Variants in UBR4 observed in about 807,000 individuals in gnomAD.
The protein encoded by UBR4 is ubiquitin protein ligase E3 component n-recognin 4.
A neutral mutation model predicts 575.6 loss-of-function variants in UBR4; 124 were observed. That is an observed-to-expected ratio of 0.22 (90% confidence interval 0.19 to 0.25). The LOEUF is 0.25. UBR4 is among the 10% of genes least tolerant of loss of function. UBR4 has a pLI of 1.00. For synonymous variants in UBR4, 2,455 were observed against 2,473.7 expected (o/e 0.99, Z 0.22); for missense variants, 4,818 against 6,478.8 (o/e 0.74, Z 8.80).
chr1:19,098,073 A>C (rs2078233861), intron 90 of UBR4, among the ~76,000 whole-genome samples: 1 of 152,228 alleles, frequency 6.6e-6, no homozygotes, highest in Non-Finnish European at 1.5e-5. Context: ...GATGAAATCC[A>C]GTGGGGGATT....
chr1:19,179,139 C>G lies in UBR4; in HGVS notation c.2266G>C (p.Val756Leu). 6.2e-7 allele frequency: 1 copy of G among 1,613,864 alleles called. No homozygotes were observed. The highest frequency in any genetic ancestry group is 8.5e-7 in the Non-Finnish European group (1 of 1,179,942). ...PLYIHPQSLS[V>L]LSRLLLIWQH... ...CAGATGAGCAGGAGGCGTGAAAGCA[C>G]AGAGAGGCTTTGAGGGTGAATGTAC... is the stretch of plus-strand genomic sequence containing the variant. The change falls in exon 18 of 106, where the codon GTG (valine) becomes CTG (leucine). Residue 756 changes from valine to leucine, a missense_variant. Physicochemically the swap from Val to Leu is conservative, Grantham distance 32. Coordinates refer to ENST00000375254, the MANE Select transcript of UBR4 (RefSeq NM_020765.3).
rs769079247 is a variant in UBR4, at chr1:19,198,006, G to A, written c.692C>T (p.Ser231Leu). The change falls in exon 6 of 106, where the codon TCA becomes TTA. Residue 231 changes from serine (S) to leucine (L), a missense_variant. Physicochemically the swap from Ser to Leu is moderately radical, Grantham distance 145. This residue lies in a region of UBR4 where 83 missense variants were observed against 77.3 expected (regional missense o/e 1.07). Coordinates refer to ENST00000375254, the MANE Select transcript of UBR4 (RefSeq NM_020765.3). ...GAACACATTCTTGGTTTTGATAGCT[G>A]AGGCTTGATCTGTAGATGACTGCTC... ...NDEQSSTDQA[S>L]AIKTKNVFIA... 3 of 1,614,136 alleles carry A rather than the reference G, an allele frequency of 1.9e-6. No individual in the cohort carries two copies. The highest frequency in any genetic ancestry group is 2.5e-6 in the Non-Finnish European group (3 of 1,180,044).
chr1:19,087,225 G>C (rs1217685101), intron 99 of UBR4, among the ~76,000 whole-genome samples: 4 of 152,250 alleles, frequency 2.6e-5, no homozygotes, highest in African/African-American at 9.6e-5. Context: ...CGAGCCCTGT[G>C]GCCCAGGCAC....
At chr1:19,163,702 GA>G in intron 34 of UBR4, 61 bp downstream of exon 34, 1 of 1,559,210 alleles carries the variant, frequency 6.4e-7, no homozygotes, top group Non-Finnish European at 8.8e-7. Context: ...ACTTCCACCT[GA>G]CCACAGAGGT....
At chr1:19,171,227 C>T (rs113191400) in intron 25 of UBR4, among the ~76,000 whole-genome samples, 1 of 150,398 alleles carries the variant, frequency 6.6e-6, no homozygotes, top group South Asian at 2.1e-4. Context: ...ACAAAAAAAA[C>T]TGTTTATCCA....
At chr1:19,075,267 G>A (rs1359903755) in intron 105 of UBR4, 6 of 297,596 alleles carry the variant, frequency 2.0e-5, no homozygotes, top group Admixed American at 1.9e-4. Context: ...CTCCCTGGCT[G>A]CAGGCCAGGG....
rs1482680435 is a variant in UBR4, at chr1:19,104,669, A to G, written c.12646-3T>C. 1.9e-6 allele frequency: 3 copies of G among 1,613,942 alleles called. No homozygotes were observed. The highest frequency in any genetic ancestry group is 2.5e-6 in the Non-Finnish European group (3 of 1,179,940). On this transcript the variant is annotated splice_region_variant and splice_polypyrimidine_tract_variant and intron_variant, in intron 85 of 105. Coordinates refer to ENST00000375254, the MANE Select transcript of UBR4 (RefSeq NM_020765.3). ...AGGGCCAGCAGACGAGCTATTTCCT[A>G]AACAGGATGACAAGTGCAGTCAGTG...
intron 60 of UBR4, among the ~76,000 whole-genome samples, chr1:19,130,553 C>T (rs1436453419): frequency 2.0e-5 from 3 of 152,112 alleles, no homozygotes; most frequent in African/African-American, 2.4e-5. Flanking sequence ...CGGGGTCTTA[C>T]GTGAATTATA....
rs2078470868 is a variant in UBR4 at position 19,100,083 on chromosome 1, A to G, written c.13221+293T>C. 6.4e-6 allele frequency: 3 copies of G among 472,298 alleles called. No individual in the cohort carries two copies. Among genetic ancestry groups the G allele is most frequent in the African/African-American group, 3.9e-5 (2 of 51,312 alleles). 29.3% of individuals were successfully genotyped at this position (472,298 alleles called of 1,614,324 possible). A position where few individuals can be genotyped will look rare whatever the true frequency, so the allele number is the denominator to read the frequency against. ...CTCAGGTAACTCAGACTCACCGAGA[A>G]GTCTCTGCCAGAGGCAATAACGATA... On this transcript the variant is annotated intron_variant, in intron 89 of 105. Coordinates refer to ENST00000375254, the MANE Select transcript of UBR4 (RefSeq NM_020765.3). This position sits in a 1 kb window ranked among gnomAD's most constrained non-coding sequence, Gnocchi z 4.2.
At chr1:19,095,355 TG>T (rs1308430023) in intron 93 of UBR4, among the ~76,000 whole-genome samples, 189 bp downstream of exon 93, 1 of 152,094 alleles carries the variant, frequency 6.6e-6, no homozygotes, top group East Asian at 1.9e-4. Context: ...GGCAGCAGCA[TG>T]GGGGCAGGAG....
At chr1:19,077,855 A>AT in intron 104 of UBR4, 121 bp downstream of exon 104, 1 of 1,567,270 alleles carries the variant, frequency 6.4e-7, no homozygotes, top group Non-Finnish European at 8.7e-7. Flanking sequence ...TTTCTAGGAA[A>AT]AAAGCGCCCC....
chr1:19,107,083 G>A, intron 81 of UBR4, 117 bp from the exon 82 acceptor site: 1 of 1,428,500 alleles, frequency 7.0e-7, no homozygotes. Context: ...AGATCAGGAG[G>A]ATCAACACGT....
At position 19,119,460 on chromosome 1, in the gene UBR4, G is replaced by A. The variant is rs146523571; in HGVS notation, c.10455+97C>T. On this transcript the variant is annotated intron_variant, in intron 70 of 105. Transcript: ENST00000375254. ...ATATTTAAAAGAGGTTTCCTATATG[G>A]ACTCCCTATATCTGGGTTGTTCATA... 8.8e-4 allele frequency: 1,304 copies of A among 1,478,888 alleles called. 2 individuals are homozygous for A. The highest frequency in any genetic ancestry group is 1.0e-3 in the Non-Finnish European group (1,149 of 1,095,678). The allele number at this position is 1,478,888 out of a possible 1,614,324, so 91.6% of individuals were successfully genotyped here. A position where few individuals can be genotyped will look rare whatever the true frequency, so the allele number is the denominator to read the frequency against.
Position 19,119,708 on chromosome 1 carries a change from A to G in UBR4, c.10311-7T>C, listed in dbSNP as rs1416277068. On this transcript the variant is annotated splice_region_variant and splice_polypyrimidine_tract_variant and intron_variant, in intron 69 of 105. Coordinates refer to ENST00000375254, the MANE Select transcript of UBR4 (RefSeq NM_020765.3). Reference sequence around the variant, plus strand: ...TTGAGATTTGCTGGAATTTCTGTGGATATATGACAGCTCATGTTACCAAGC... The same window carrying G: ...TTGAGATTTGCTGGAATTTCTGTGGGTATATGACAGCTCATGTTACCAAGC... The G allele has an allele frequency of 6.2e-7, 1 of 1,603,096 alleles. No individual in the cohort carries two copies. Among genetic ancestry groups the G allele is most frequent in the Non-Finnish European group, 8.5e-7 (1 of 1,171,290 alleles).
At position 19,157,778 on chromosome 1, in the gene UBR4, T is replaced by G. The variant is rs1361091983; in HGVS notation, c.5760+37A>C. Reference sequence around the variant, plus strand: ...GTTTTGCTTAGCATTTAAGACAATATGACCTAAAGTAAGCGCACAAGAATT... The same window carrying G: ...GTTTTGCTTAGCATTTAAGACAATAGGACCTAAAGTAAGCGCACAAGAATT... On this transcript the variant is annotated intron_variant, in intron 40 of 105. Transcript: ENST00000375254. The surrounding 1 kb of genome is among the most constrained non-coding windows in gnomAD (Gnocchi z 4.4). 3 of 1,600,370 alleles carry G rather than the reference T, an allele frequency of 1.9e-6. No individual in the cohort carries two copies. The highest frequency in any genetic ancestry group is 2.6e-6 in the Non-Finnish European group (3 of 1,170,664).
chr1:19,156,364 G>A lies in UBR4; in HGVS notation c.5979C>T (p.His1993=), dbSNP rs765550723. ...TGAAGTTCCCCGTTGCCAACTGAGG[G>A]TGCAAAACCAAGTGATCCGAAACAG... The part of the protein sequence containing the change: ...SGSVSDHLVL[H]PQLATGNFII... Residue 1993 remains histidine, a synonymous_variant, in exon 42 of 106, where the codon CAC becomes CAT. Transcript: ENST00000375254. 5.6e-6 allele frequency: 9 copies of A among 1,614,182 alleles called. No individual in the cohort carries two copies. Among genetic ancestry groups the A allele is most frequent in the South Asian group, 1.1e-5 (1 of 91,084 alleles).
intron 24 of UBR4, 41 bp downstream of exon 24, chr1:19,173,140 T>A (rs993589838): frequency 6.2e-7 from 1 of 1,613,842 alleles, no homozygotes; most frequent in Non-Finnish European, 8.5e-7. Flanking sequence ...TGGGCTATGG[T>A]AGAAACCAAG....
rs926243377 is a variant in UBR4, at chr1:19,197,361, G to C, written c.894-96C>G. 11 of 1,528,324 alleles carry C rather than the reference G, an allele frequency of 7.2e-6. No homozygotes were observed. The Admixed American group carries it at 2.0e-4, about 28-fold the overall frequency. The allele number at this position is 1,528,324 out of a possible 1,614,324, so 94.7% of individuals were successfully genotyped here. ...TTATCAGCATGGGCCCGGCACAGTGGCTCACGCCTATAATTCCGACACTTC... is the reference window on the plus strand; with the variant it reads ...TTATCAGCATGGGCCCGGCACAGTGCCTCACGCCTATAATTCCGACACTTC... On this transcript the variant is annotated intron_variant, in intron 7 of 105. Transcript: ENST00000375254.
chr1:19,139,372 AAG>A lies in UBR4; in HGVS notation c.8594-154_8594-153del, dbSNP rs2083573710. Reference sequence around the variant, plus strand: ...TTATATATCCTGTCGTCAAAGAAAAAAGGGAGAGATTTGCTTTGCTGGTTAAT... The same window carrying A: ...TTATATATCCTGTCGTCAAAGAAAAAGGAGAGATTTGCTTTGCTGGTTAAT... On this transcript the variant is annotated intron_variant, in intron 58 of 105. Coordinates refer to ENST00000375254, the MANE Select transcript of UBR4 (RefSeq NM_020765.3). This position sits in a 1 kb window ranked among gnomAD's most constrained non-coding sequence, Gnocchi z 4.2. 6.3e-6 allele frequency: 7 copies of A among 1,110,404 alleles called. No homozygotes were observed. Among genetic ancestry groups the A allele is most frequent in the Non-Finnish European group, 8.3e-6 (7 of 847,172 alleles). 68.8% of individuals were successfully genotyped at this position (1,110,404 alleles called of 1,614,324 possible).
Sources: gnomAD v4.1 joint callset for allele counts (sites outside exome capture counted in the v4.1 genomes callset) on GRCh38, gnomAD v4.1.1 for gene constraint, gnomAD v4.1.1 regional missense constraint, Gnocchi (gnomAD v3.1) non-coding constraint, MANE v1.5 for transcripts, NCBI Gene and HGNC (gene_info 2026-07-23, HGNC 2026-07-21) for gene names.